The following DAB1 variants were observed in gnomAD, a reference collection of about 807,000 sequenced individuals.
DAB1 encodes disabled homolog 1.
A neutral mutation model predicts 64.6 loss-of-function variants in DAB1; 15 were observed. The ratio of observed to expected loss-of-function variants is 0.23; its 90% CI spans 0.16 to 0.36. The LOEUF (loss-of-function observed/expected upper bound fraction) is 0.36, where lower values mean the gene tolerates loss of function less well. Ranked by LOEUF, DAB1 falls within the 10% of genes least tolerant of loss-of-function variation. DAB1 has a pLI of 1.00. For synonymous variants in DAB1, 235 were observed against 251.9 expected, an observed-to-expected ratio of 0.93 and a Z score of 0.64; for missense variants, 596 against 706.7, an observed-to-expected ratio of 0.84 and a Z score of 1.78.
At chr1:57,743,154 C>T (rs1648083560) in intron 6 of DAB1, among the ~76,000 whole-genome samples, 1 of 152,174 alleles carries the variant, frequency 6.6e-6, no homozygotes, top group African/African-American at 2.4e-5. Context: ...GAGCCCAAGC[C>T]AAGCCATCGC....
At chr1:57,311,291 A>G (rs1166513326) in intron 1 of DAB1, among the ~76,000 whole-genome samples, 1 of 152,128 alleles carries the variant, frequency 6.6e-6, no homozygotes, top group Non-Finnish European at 1.5e-5. Context: ...ACAAAGCTCA[A>G]TCTGAAGGTG....
In DAB1 at chr1:56,997,609, GT is replaced by G; in HGVS notation, c.*534del. 6.6e-6 allele frequency: 1 copy of G among 152,246 alleles called. No individual in the cohort carries two copies. The highest frequency in any genetic ancestry group is 6.5e-5 in the Admixed American group (1 of 15,300). The allele number at this position is 152,246 out of a possible 1,614,324, so 9.4% of individuals were successfully genotyped here. A position where few individuals can be genotyped will look rare whatever the true frequency, so the allele number is the denominator to read the frequency against. On this transcript the variant is annotated 3_prime_UTR_variant, in exon 15 of 15. Transcript: ENST00000371236. ...AAAATGGCAGACCAGGCCCCATGGAGTGACAAAAAACACATCATCCTATGTG... is the reference window on the plus strand; with the variant it reads ...AAAATGGCAGACCAGGCCCCATGGAGGACAAAAAACACATCATCCTATGTG...
At chr1:58,408,844 G>A (rs338909) in intron 3 of DAB1, among the ~76,000 whole-genome samples, 23,588 of 152,186 alleles carry the variant, frequency 0.15, 2,323 homozygotes, top group Non-Finnish European at 0.22. Context: ...ATGCAGAGGT[G>A]ATGTGGGTCC....
At chr1:57,773,819 G>A (rs1482348445) in intron 6 of DAB1, among the ~76,000 whole-genome samples, 1 of 151,980 alleles carries the variant, frequency 6.6e-6, no homozygotes. Flanking sequence ...GCATATATGT[G>A]TGGGTCTATT....
intron 5 of DAB1, among the ~76,000 whole-genome samples, chr1:57,986,238 A>G (rs1646215054): frequency 6.6e-6 from 1 of 152,142 alleles, no homozygotes; most frequent in African/African-American, 2.4e-5. Context: ...ATATATTGAA[A>G]TCCTAACCCC....
At chr1:57,507,567 T>C (rs1644358171) in intron 7 of DAB1, among the ~76,000 whole-genome samples, 1 of 152,170 alleles carries the variant, frequency 6.6e-6, no homozygotes, top group Non-Finnish European at 1.5e-5. Context: ...AGGCCTGAAC[T>C]GTGAGTCGAA....
chr1:58,131,262 C>G (rs1468697666), intron 5 of DAB1, among the ~76,000 whole-genome samples: 1 of 142,400 alleles, frequency 7.0e-6, no homozygotes, highest in Non-Finnish European at 1.6e-5. Flanking sequence ...GCTCCTGAGG[C>G]TTCTGCATTC....
chr1:58,377,377 G>C (rs377524987), intron 3 of DAB1, among the ~76,000 whole-genome samples: 29,706 of 137,870 alleles, frequency 0.22, 3,271 homozygotes, highest in South Asian at 0.28. Context: ...CAGGCCTGGT[G>C]GTGACAAAAT....
intron 1 of DAB1, chr1:57,860,744 G>C (rs1031460218): frequency 6.6e-6 from 1 of 152,196 alleles, no homozygotes; most frequent in Non-Finnish European, 1.5e-5. Flanking sequence ...GGATGGACAG[G>C]CACCAAATGG....
chr1:58,038,003 A>G (rs1006798919), intron 5 of DAB1, among the ~76,000 whole-genome samples: 3 of 152,206 alleles, frequency 2.0e-5, no homozygotes, highest in Non-Finnish European at 4.4e-5. Flanking sequence ...ATGAGCCATT[A>G]TAAATTTTGG....
chr1:58,420,512 C>A (rs148943058), intron 3 of DAB1, among the ~76,000 whole-genome samples: 1 of 152,186 alleles, frequency 6.6e-6, no homozygotes, highest in African/African-American at 2.4e-5. Context: ...CTCAGAGCAA[C>A]GGTTCACAGA....
intron 6 of DAB1, among the ~76,000 whole-genome samples, chr1:57,714,114 C>G (rs1647057080): frequency 6.6e-6 from 1 of 152,146 alleles, no homozygotes; most frequent in African/African-American, 2.4e-5. Context: ...CAGATAAGAA[C>G]TAAAATATAT....
intron 3 of DAB1, among the ~76,000 whole-genome samples, chr1:58,431,930 T>C (rs1038146207): frequency 6.6e-6 from 1 of 152,146 alleles, no homozygotes; most frequent in Admixed American, 6.5e-5. Flanking sequence ...GGATTTGACA[T>C]GTGGGACTAC....
intron 6 of DAB1, among the ~76,000 whole-genome samples, chr1:57,710,245 C>T (rs116812239): frequency 1.6e-3 from 237 of 152,174 alleles, no homozygotes; most frequent in Non-Finnish European, 2.4e-3. Context: ...TGTGAAGCCT[C>T]GGTTGAAGGT....
chr1:57,053,297 G>A (rs893243217), intron 9 of DAB1, among the ~76,000 whole-genome samples: 2 of 152,090 alleles, frequency 1.3e-5, no homozygotes, highest in African/African-American at 2.4e-5. Flanking sequence ...ACCCAGGCTG[G>A]AGTGCAATTG....
intron 5 of DAB1, among the ~76,000 whole-genome samples, chr1:57,896,398 C>T (rs1162758042): frequency 2.6e-5 from 4 of 151,214 alleles, no homozygotes; most frequent in African/African-American, 4.9e-5. Flanking sequence ...AACATTGAGG[C>T]CAAACAATTA....
intron 5 of DAB1, among the ~76,000 whole-genome samples, chr1:57,984,258 A>AAGAAAGAAAG (rs1557595206): frequency 1.4e-5 from 2 of 140,642 alleles, no homozygotes; most frequent in African/African-American, 2.8e-5. Flanking sequence ...GAAAGAAAGA[A>AAGAAAGAAAG]AGAAAAAAAA....
rs144552593 is a variant in DAB1, at chr1:58,439,408, C to T, written n.257+66652G>A. 1.9e-3 allele frequency among the ~76,000 whole-genome samples: 284 copies of T among 152,260 alleles called. 2 individuals carry two copies. The highest frequency in any genetic ancestry group is 6.5e-3 in the African/African-American group (268 of 41,532). ...AAGAAACATTTATTGGAGGAACATG[C>T]TCAAGCTCTTTATTATAGAAGGGGT... On this transcript the variant is annotated intron_variant and non_coding_transcript_variant, in intron 3 of 20. Transcript: ENST00000485760.
At chr1:58,356,425 C>A (rs1463549196) in intron 3 of DAB1, among the ~76,000 whole-genome samples, 1 of 152,082 alleles carries the variant, frequency 6.6e-6, no homozygotes, top group Non-Finnish European at 1.5e-5. Flanking sequence ...ACAAACAATA[C>A]AAAGTCAGTG....
Sources: allele counts gnomAD v4.1 joint callset (sites outside exome capture counted in the v4.1 genomes callset), GRCh38; gene constraint gnomAD v4.1.1; transcripts MANE v1.5; gene names NCBI Gene and HGNC (gene_info 2026-07-23, HGNC 2026-07-21).